SHTN1: variants seen among roughly 807,000 people sequenced by gnomAD.
SHTN1 encodes the protein shootin 1.
Under a neutral mutation model 83.1 loss-of-function variants are expected in SHTN1, and 42 were observed. The ratio of observed to expected loss-of-function variants is 0.51; its 90% CI spans 0.39 to 0.65. SHTN1 has a LOEUF of 0.65. Among genes scored for constraint, SHTN1 ranks in the 30% least tolerant of loss-of-function variants. The pLI is 0.00. For missense variants in SHTN1, 622 were observed against 737.8 expected (o/e 0.84, Z 1.82); for synonymous variants, 224 against 247.7 (o/e 0.90, Z 0.90).
chr10:117,085,824 T>G (rs1266285344), intron 1 of SHTN1, among the ~76,000 whole-genome samples: 1 of 151,944 alleles, frequency 6.6e-6, no homozygotes, highest in Admixed American at 6.6e-5. Flanking sequence ...CACATTAAAA[T>G]TGTTATTTTT....
chr10:116,886,734 T>C (rs1469162595), intron 16 of SHTN1, among the ~76,000 whole-genome samples, 168 bp from the exon 17 acceptor site: 2 of 152,054 alleles, frequency 1.3e-5, no homozygotes, highest in Non-Finnish European at 1.5e-5. Context: ...AATGAAGCTA[T>C]CAGATTACAC....
rs1446143541 is a variant in SHTN1, at chr10:116,960,563, GAA to G, written c.173-335_173-334del. ...GACATATGTGCTAGTTTAAACAAAA[GAA>G]TATTTCATAAATAAAGAGGAGTGAC... On this transcript the variant is annotated intron_variant, in intron 3 of 16. Coordinates refer to ENST00000355371, the MANE Select transcript of SHTN1 (RefSeq NM_001127211.3). Among the ~76,000 whole-genome samples, 7 of 152,158 alleles carry G rather than the reference GAA, an allele frequency of 4.6e-5. No homozygotes were observed. The East Asian group carries it at 1.4e-3, about 29-fold the overall frequency.
chr10:116,943,510 C>T (rs1248063166), intron 8 of SHTN1, among the ~76,000 whole-genome samples: 1 of 152,208 alleles, frequency 6.6e-6, no homozygotes, highest in Non-Finnish European at 1.5e-5. Context: ...ATTGCTCCAA[C>T]GTTTTCCAGA....
chr10:117,069,253 G>C (rs1214212007), intron 1 of SHTN1, among the ~76,000 whole-genome samples: 1 of 152,188 alleles, frequency 6.6e-6, no homozygotes, highest in African/African-American at 2.4e-5. Flanking sequence ...ACTGCATTTA[G>C]GAAGCAGAAG....
At chr10:117,068,597 G>C (rs1019324178) in intron 1 of SHTN1, among the ~76,000 whole-genome samples, 1 of 150,698 alleles carries the variant, frequency 6.6e-6, no homozygotes, top group Non-Finnish European at 1.5e-5. Flanking sequence ...GATGGTGACA[G>C]AGTGAGACTC....
intron 1 of SHTN1, among the ~76,000 whole-genome samples, chr10:117,105,390 A>T (rs866968878): frequency 6.6e-6 from 1 of 152,224 alleles, no homozygotes; most frequent in Non-Finnish European, 1.5e-5. Flanking sequence ...AGATTATCTT[A>T]TTGAATATTC....
At chr10:116,912,939 A>G (rs1022646655) in intron 13 of SHTN1, among the ~76,000 whole-genome samples, 2 of 152,202 alleles carry the variant, frequency 1.3e-5, no homozygotes, top group Non-Finnish European at 2.9e-5. Context: ...TTTGCTGCTC[A>G]TGTACAAAGC....
At chr10:116,947,240 C>T (rs1589832452) in intron 7 of SHTN1, among the ~76,000 whole-genome samples, 1 of 152,110 alleles carries the variant, frequency 6.6e-6, no homozygotes, top group African/African-American at 2.4e-5. Flanking sequence ...GAGGGAGTGA[C>T]GATACCATTA....
At chr10:117,115,155 G>A (rs933734188) in intron 1 of SHTN1, among the ~76,000 whole-genome samples, 4 of 152,148 alleles carry the variant, frequency 2.6e-5, no homozygotes, top group Non-Finnish European at 4.4e-5. Flanking sequence ...CAAAAAATTC[G>A]TGGAACTTTT....
rs1275249967 is a variant in SHTN1, at chr10:116,886,559, T to C, written c.1681A>G (p.Ser561Gly). The C allele has an allele frequency of 6.2e-7, 1 of 1,614,066 alleles. No individual in the cohort carries two copies. The highest frequency in any genetic ancestry group is 2.2e-5 in the East Asian group (1 of 44,882). Residue 561 changes from serine (S) to glycine (G), a missense_variant, in exon 17 of 17, where the codon AGT (serine) becomes GGT (glycine). This residue lies in a region of SHTN1 where 231 missense variants were observed against 251.6 expected (regional missense o/e 0.92). Coordinates refer to ENST00000355371, the MANE Select transcript of SHTN1 (RefSeq NM_001127211.3). ...TSSKVTFQPPSSIGCRKKYID... is the reference protein window; with the variant it reads ...TSSKVTFQPPGSIGCRKKYID... ...TATTTTTTCCTGCATCCAATGCTACTGGGAGGCCTATGAGATGAAGAGTTA... is the reference window on the plus strand; with the variant it reads ...TATTTTTTCCTGCATCCAATGCTACCGGGAGGCCTATGAGATGAAGAGTTA...
intron 12 of SHTN1, among the ~76,000 whole-genome samples, chr10:116,916,005 A>G (rs574712751): frequency 4.6e-5 from 7 of 152,352 alleles, no homozygotes; most frequent in African/African-American, 1.7e-4. Context: ...CTATTTTTAA[A>G]CTGCCATCTT....
chr10:117,076,694 G>A (rs922386003), intron 1 of SHTN1, among the ~76,000 whole-genome samples: 4 of 152,140 alleles, frequency 2.6e-5, no homozygotes, highest in African/African-American at 9.7e-5. Flanking sequence ...GCTCAAAGTT[G>A]GGGCTTCTAG....
chr10:117,037,347 G>A (rs1176240401), intron 2 of SHTN1, among the ~76,000 whole-genome samples: 1 of 151,956 alleles, frequency 6.6e-6, no homozygotes, highest in East Asian at 1.9e-4. Flanking sequence ...AAATACTTAG[G>A]TATAAATCTA....
intron 2 of SHTN1, among the ~76,000 whole-genome samples, chr10:117,035,968 G>C (rs1000860991): frequency 1.3e-5 from 1 of 77,220 alleles, no homozygotes; most frequent in African/African-American, 3.7e-5. Context: ...AAAAAAAAAA[G>C]GCAAAAGACT....
upstream of SHTN1, among the ~76,000 whole-genome samples, chr10:117,006,545 G>A (rs559706940): frequency 6.4e-4 from 86 of 134,656 alleles, 2 homozygotes; most frequent in South Asian, 0.02. Context: ...CAGCCTGGGT[G>A]ACAGAGTGAG....
At position 117,111,705 on chromosome 10, in the gene SHTN1, C is replaced by T. The variant is rs565074275; in HGVS notation, c.-189+14602G>A. Among the ~76,000 whole-genome samples the T allele has an allele frequency of 3.9e-5, 6 of 152,186 alleles. No individual in the cohort carries two copies. In the East Asian group the frequency reaches 1.2e-3, roughly 29 times the overall value. On this transcript the variant is annotated intron_variant, in intron 1 of 17. Transcript: ENST00000392901. Reference sequence around the variant, plus strand: ...CCAGCTCTCATATTCTGCTTGAACTCAAACCCCAATTCTTATCCTATGGCC... The same window carrying T: ...CCAGCTCTCATATTCTGCTTGAACTTAAACCCCAATTCTTATCCTATGGCC...
At chr10:117,121,445 G>A (rs1359532461) in intron 1 of SHTN1, among the ~76,000 whole-genome samples, 1 of 152,056 alleles carries the variant, frequency 6.6e-6, no homozygotes, top group Non-Finnish European at 1.5e-5. Flanking sequence ...CGGGCATGGT[G>A]GCACACGCCT....
chr10:117,013,996 T>C (rs1259553428), intron 2 of SHTN1, among the ~76,000 whole-genome samples: 3 of 152,176 alleles, frequency 2.0e-5, no homozygotes, highest in Non-Finnish European at 4.4e-5. Context: ...GTGGATACAG[T>C]GTATACAGAT....
chr10:116,951,975 C>G lies in SHTN1; in HGVS notation c.468G>C (p.Glu156Asp). ...ELRDQIVSVQEEKKILAIELE... is the reference protein window; with the variant it reads ...ELRDQIVSVQDEKKILAIELE... ...GCTCAATGGCTAAAATCTTCTTTTC[C>G]TCCTGAACAGATACAATTTGATCTC... The change falls in exon 6 of 17, where the codon GAG (glutamate) becomes GAC (aspartate). Residue 156 changes from glutamate to aspartate, a missense_variant. Physicochemically the swap from Glu to Asp is conservative, Grantham distance 45. Transcript: ENST00000355371. 1 of 1,576,418 alleles carries G rather than the reference C, an allele frequency of 6.3e-7. No homozygotes were observed. The highest frequency in any genetic ancestry group is 8.6e-7 in the Non-Finnish European group (1 of 1,158,458).
Sources: allele counts gnomAD v4.1 joint callset (sites outside exome capture counted in the v4.1 genomes callset), GRCh38; gene constraint gnomAD v4.1.1; regional missense constraint gnomAD v4.1.1; transcripts MANE v1.5; gene names NCBI Gene and HGNC (gene_info 2026-07-23, HGNC 2026-07-21).